CAP1: variants seen among roughly 807,000 people sequenced by gnomAD.
The protein encoded by CAP1 is adenylyl cyclase-associated protein 1.
CAP1 carries 11 observed loss-of-function variants against 58.2 expected under a neutral mutation model. That is an observed-to-expected ratio of 0.19 (90% confidence interval 0.12 to 0.31). CAP1 has a LOEUF of 0.31. Ranked by LOEUF, CAP1 falls within the 10% of genes least tolerant of loss-of-function variation. The pLI, the probability that CAP1 is intolerant of heterozygous loss-of-function variation, is 1.00. For missense variants in CAP1, 423 were observed against 587.5 expected, an observed-to-expected ratio of 0.72 and a Z score of 2.89; for synonymous variants, 183 against 213.8, an observed-to-expected ratio of 0.86 and a Z score of 1.26.
chr1:40,048,865 A>C (rs1438194930), intron 1 of CAP1, among the ~76,000 whole-genome samples: 1 of 152,220 alleles, frequency 6.6e-6, no homozygotes, highest in Admixed American at 6.5e-5. Flanking sequence ...ATTTTGAAGC[A>C]AATCAATTGG....
intron 4 of CAP1, 87 bp from the exon 5 acceptor site, chr1:40,064,140 T>C: frequency 7.6e-7 from 1 of 1,316,898 alleles, no homozygotes; most frequent in Admixed American, 1.8e-5. Context: ...CTAGAGTCCA[T>C]AGAGAATTCT....
chr1:40,052,624 C>T (rs190296194), intron 1 of CAP1, among the ~76,000 whole-genome samples: 20 of 152,004 alleles, frequency 1.3e-4, no homozygotes, highest in Admixed American at 1.3e-3. Context: ...GAACTTCTGG[C>T]CTTAAGCCAT....
At chr1:40,046,430 G>T (rs546481024) in intron 1 of CAP1, among the ~76,000 whole-genome samples, 1 of 151,888 alleles carries the variant, frequency 6.6e-6, no homozygotes, top group Non-Finnish European at 1.5e-5. Context: ...CATGATCTGC[G>T]CCAGCTTGGG....
chr1:40,045,479 A>G (rs576009750), intron 1 of CAP1, among the ~76,000 whole-genome samples: 1 of 152,090 alleles, frequency 6.6e-6, no homozygotes, highest in South Asian at 2.1e-4. Flanking sequence ...GCTGATTGCA[A>G]CCTCCAACTT....
At chr1:40,056,514 G>A (rs557276819) in intron 1 of CAP1, among the ~76,000 whole-genome samples, 5 of 152,080 alleles carry the variant, frequency 3.3e-5, no homozygotes, top group African/African-American at 1.2e-4. Context: ...CAGGCTGGTC[G>A]TGGACTCCTG....
At chr1:40,056,293 A>T in intron 1 of CAP1, among the ~76,000 whole-genome samples, 1 of 126,018 alleles carries the variant, frequency 7.9e-6, no homozygotes, top group Non-Finnish European at 1.7e-5. Context: ...GTCTAGGTGA[A>T]AGCTGGATTT....
intron 1 of CAP1, among the ~76,000 whole-genome samples, chr1:40,044,308 CA>C (rs1318832673): frequency 1.3e-5 from 2 of 151,908 alleles, no homozygotes; most frequent in African/African-American, 4.8e-5. Flanking sequence ...TTTACTTAAG[CA>C]AATGCAATGT....
chr1:40,065,367 G>C (rs1415115808), intron 6 of CAP1, among the ~76,000 whole-genome samples: 4 of 150,988 alleles, frequency 2.6e-5, no homozygotes, highest in Non-Finnish European at 5.9e-5. Context: ...AATGATTGCA[G>C]GCAAAATTTA....
chr1:40,049,586 T>TC lies in CAP1; in HGVS notation c.-11+8788dup, dbSNP rs374191446. On this transcript the variant is annotated intron_variant, in intron 1 of 12. Transcript: ENST00000372805. ...TAGTTTCTTTTTACTCTGCATGATA[T>TC]CCCTCCAAAAGCTTGTCTGTTCTCA... Among the ~76,000 whole-genome samples the TC allele has an allele frequency of 9.3e-4, 142 of 152,256 alleles. 1 individual carries two copies. The highest frequency in any genetic ancestry group is 3.3e-3 in the African/African-American group (138 of 41,544).
intron 1 of CAP1, chr1:40,041,526 C>T (rs1187514924): frequency 6.6e-6 from 1 of 152,230 alleles, no homozygotes; most frequent in African/African-American, 2.4e-5. Flanking sequence ...TCAGACGGCT[C>T]AGGTTTGGTC....
upstream of CAP1, chr1:40,040,430 C>A (rs1338416188): frequency 6.6e-6 from 1 of 152,360 alleles, no homozygotes; most frequent in Non-Finnish European, 1.5e-5. Context: ...CCAGGGACTT[C>A]TGCCCTTCCT....
intron 1 of CAP1, among the ~76,000 whole-genome samples, chr1:40,046,269 A>G (rs374162519): frequency 6.6e-6 from 1 of 152,204 alleles, no homozygotes; most frequent in Non-Finnish European, 1.5e-5. Context: ...CAGCCTGGCC[A>G]ACATGGTAAA....
At chr1:40,065,737 G>A (rs150123250) in intron 6 of CAP1, among the ~76,000 whole-genome samples, 7 of 152,288 alleles carry the variant, frequency 4.6e-5, no homozygotes, top group Non-Finnish European at 7.3e-5. Flanking sequence ...TGGTCAGGGT[G>A]GGCATATTTT....
intron 1 of CAP1, among the ~76,000 whole-genome samples, chr1:40,058,447 C>T (rs893945305): frequency 1.4e-4 from 22 of 152,104 alleles, no homozygotes; most frequent in African/African-American, 4.1e-4. Flanking sequence ...GAGGGCAGGC[C>T]GGGCACAGTG....
rs1389614137 is a variant in CAP1 at position 40,060,091 on chromosome 1, C to T, written c.137C>T (p.Ala46Val). 2 of 1,613,476 alleles carry T rather than the reference C, an allele frequency of 1.2e-6. No homozygotes were observed. Among genetic ancestry groups the T allele is most frequent in the Non-Finnish European group, 1.7e-6 (2 of 1,179,806 alleles). The change falls in exon 3 of 13, where the codon GCA becomes GTA. Residue 46 changes from alanine (A) to valine (V), a missense_variant. Transcript: ENST00000372805. ...GCAGGAGCAGCTCCATATGTGCAGG[C>T]ATTTGACTCGCTGCTTGCTGGTCCT... ...SKAGAAPYVQ[A>V]FDSLLAGPVA...
chr1:40,052,088 G>T (rs537601399), intron 1 of CAP1, among the ~76,000 whole-genome samples: 65 of 152,290 alleles, frequency 4.3e-4, no homozygotes, highest in Admixed American at 1.3e-3. Flanking sequence ...TTTTCTAGGT[G>T]CTGGGAGATA....
chr1:40,040,273 C>G (rs1459291506), upstream of CAP1: 1 of 152,152 alleles, frequency 6.6e-6, no homozygotes, highest in African/African-American at 2.4e-5. Flanking sequence ...CTGACGGCCG[C>G]CCGGATTCCC....
rs1646909239 is a variant in CAP1 at position 40,062,781 on chromosome 1, G to GTGTGTT, written c.294+974_294+975insTTGTGT. 2.0e-5 allele frequency among the ~76,000 whole-genome samples: 3 copies of GTGTGTT among 151,164 alleles called. No homozygotes were observed. The South Asian group carries it at 6.3e-4, about 32-fold the overall frequency. ...CCTTCTCTCAAAAAACATTGTGTGT[G>GTGTGTT]TGTGTGTGTGTGTGTGTATAGATGC... On this transcript the variant is annotated intron_variant, in intron 4 of 12. Transcript: ENST00000372805.
intron 1 of CAP1, among the ~76,000 whole-genome samples, chr1:40,049,398 AC>A: frequency 6.6e-6 from 1 of 151,478 alleles, no homozygotes; most frequent in East Asian, 2.0e-4. Context: ...TTTAGTAGAG[AC>A]GAGGTTTCGC....
Sources: allele counts gnomAD v4.1 joint callset (sites outside exome capture counted in the v4.1 genomes callset), GRCh38; gene constraint gnomAD v4.1.1; transcripts MANE v1.5; gene names NCBI Gene and HGNC (gene_info 2026-07-23, HGNC 2026-07-21).